SLC12A7: variants seen among roughly 807,000 people sequenced by gnomAD.
The protein encoded by SLC12A7 is K-Cl cotransporter 4.
In SLC12A7, 100 loss-of-function variants were observed where a neutral mutation model predicts 120.6. The observed-to-expected ratio is 0.83, with a 90% CI of 0.71 to 0.98. The LOEUF (loss-of-function observed/expected upper bound fraction) is 0.98, where lower values mean the gene tolerates loss of function less well. SLC12A7 is among the 50% of genes least tolerant of loss of function. The probability of loss-of-function intolerance (pLI) is 0.00; values close to 1 mark genes in which losing one functional copy is unlikely to be tolerated. For synonymous variants in SLC12A7, 760 were observed against 678.0 expected, an observed-to-expected ratio of 1.12 and a Z score of -1.88; for missense variants, 1,373 against 1,548.1, an observed-to-expected ratio of 0.89 and a Z score of 1.90.
the SLC12A7 span, among the ~76,000 whole-genome samples, chr5:1,121,263 C>T: frequency 6.6e-6 from 1 of 152,218 alleles, no homozygotes; most frequent in Non-Finnish European, 1.5e-5. Context: ...CTGTCTCCGT[C>T]CCAAGGCCTG....
In SLC12A7 at chr5:1,090,367, T is replaced by A. The variant is rs560458016; in HGVS notation, c.343-1239A>T. On this transcript the variant is annotated intron_variant, in intron 3 of 23. Transcript: ENST00000264930. ...GATCTGAGAGCCTGGGGGATTCACT[T>A]GGTTCCCTGAGCCCTAGGTGGGAAG... Among the ~76,000 whole-genome samples, 13 of 152,248 alleles carry A rather than the reference T, an allele frequency of 8.5e-5. No homozygotes were observed. In the East Asian group the frequency reaches 2.3e-3, roughly 27 times the overall value.
chr5:1,099,253 G>A (rs1741729058), intron 1 of SLC12A7, among the ~76,000 whole-genome samples: 1 of 152,300 alleles, frequency 6.6e-6, no homozygotes, highest in African/African-American at 2.4e-5. Flanking sequence ...CCTGAGGCAG[G>A]AGCAGGGTAC....
the SLC12A7 span, among the ~76,000 whole-genome samples, chr5:1,122,311 A>T: frequency 1.3e-5 from 2 of 152,136 alleles, no homozygotes; most frequent in Non-Finnish European, 2.9e-5. Flanking sequence ...GAATCTCACC[A>T]GAATCCGGGC....
chr5:1,118,425 G>A, the SLC12A7 span, among the ~76,000 whole-genome samples: 2 of 152,242 alleles, frequency 1.3e-5, no homozygotes, highest in African/African-American at 2.4e-5. Context: ...TGAGAACATC[G>A]TGGGCAGGCC....
chr5:1,065,164 G>A, intron 18 of SLC12A7, 119 bp downstream of exon 18: 1 of 804,384 alleles, frequency 1.2e-6, no homozygotes, highest in African/African-American at 1.9e-5. Context: ...GGACGAAAAG[G>A]GGACAGTGAG....
chr5:1,077,729 C>G, intron 12 of SLC12A7, 104 bp downstream of exon 12: 1 of 1,230,254 alleles, frequency 8.1e-7, no homozygotes. Flanking sequence ...GGGGTCCAAG[C>G]CGCGGGCATG....
upstream of SLC12A7, among the ~76,000 whole-genome samples, chr5:1,114,493 T>C (rs1395660296): frequency 6.6e-6 from 1 of 152,120 alleles, no homozygotes; most frequent in Non-Finnish European, 1.5e-5. Flanking sequence ...GCTCTGTGGG[T>C]TTCCGTGTCC....
intron 6 of SLC12A7, among the ~76,000 whole-genome samples, 195 bp downstream of exon 6, chr5:1,086,708 C>T (rs1739895474): frequency 6.6e-6 from 1 of 152,230 alleles, no homozygotes; most frequent in Admixed American, 6.5e-5. Context: ...TCAAGGGGGA[C>T]ACAGGTCGCT....
At chr5:1,092,224 G>A (rs1421484239) in intron 3 of SLC12A7, among the ~76,000 whole-genome samples, 2 of 152,270 alleles carry the variant, frequency 1.3e-5, no homozygotes, top group Non-Finnish European at 2.9e-5. Flanking sequence ...GACATCTTGA[G>A]CGGCCTGACT....
chr5:1,142,311 T>C, the SLC12A7 span, among the ~76,000 whole-genome samples: 4 of 34,814 alleles, frequency 1.1e-4, no homozygotes, highest in African/African-American at 3.9e-4. Context: ...GCCCCTCCCG[T>C]CTCCCCTCTC....
the SLC12A7 span, among the ~76,000 whole-genome samples, chr5:1,127,103 C>T: frequency 8.4e-4 from 128 of 152,344 alleles, no homozygotes; most frequent in African/African-American, 2.9e-3. Flanking sequence ...CAACCTCCAC[C>T]GCCCAGGTTC....
chr5:1,148,295 C>G, the SLC12A7 span, among the ~76,000 whole-genome samples: 659 of 151,078 alleles, frequency 4.4e-3, 8 homozygotes, highest in African/African-American at 0.015. Flanking sequence ...CAAGCTCCGC[C>G]TCCCAGGTTC....
the SLC12A7 span, among the ~76,000 whole-genome samples, chr5:1,140,295 G>A: frequency 1.3e-5 from 2 of 152,218 alleles, no homozygotes; most frequent in Admixed American, 6.5e-5. Flanking sequence ...CATCCCAGGC[G>A]ATGAGGCATG....
chr5:1,101,404 A>G (rs1741997171), intron 1 of SLC12A7, among the ~76,000 whole-genome samples: 1 of 152,170 alleles, frequency 6.6e-6, no homozygotes, highest in African/African-American at 2.4e-5. Context: ...TCTGGCCAGC[A>G]GGCCCGACCT....
intron 6 of SLC12A7, 22 bp from the exon 7 acceptor site, chr5:1,085,495 G>A: frequency 6.4e-7 from 1 of 1,574,352 alleles, no homozygotes. Flanking sequence ...AGGCCGGTCG[G>A]GAGGCCGTCC....
the SLC12A7 span, among the ~76,000 whole-genome samples, chr5:1,154,967 C>G: frequency 6.6e-6 from 1 of 152,262 alleles, no homozygotes; most frequent in Middle Eastern, 3.2e-3. Context: ...AGCCAGGGTC[C>G]AGGCCTGGTG....
At position 1,060,545 on chromosome 5, in the gene SLC12A7, A is replaced by G. The variant is rs1736074493; in HGVS notation, c.2740-94T>C. On this transcript the variant is annotated intron_variant, in intron 20 of 23. Coordinates refer to ENST00000264930, the MANE Select transcript of SLC12A7 (RefSeq NM_006598.3). The stretch of plus-strand genomic sequence containing the variant: ...GGTACCCAGAGACCGAGCCGCCCTG[A>G]GCGGTGGGAAAGGCCACGCGTCCCG... 4.3e-6 allele frequency: 4 copies of G among 933,522 alleles called. No homozygotes were observed. The East Asian group carries it at 9.8e-5, about 23-fold the overall frequency. 57.8% of individuals were successfully genotyped at this position (933,522 alleles called of 1,614,324 possible). A position where few individuals can be genotyped will look rare whatever the true frequency, so the allele number is the denominator to read the frequency against.
intron 2 of SLC12A7, among the ~76,000 whole-genome samples, 180 bp downstream of exon 2, chr5:1,093,974 C>T (rs1740829478): frequency 6.6e-6 from 1 of 152,094 alleles, no homozygotes; most frequent in Non-Finnish European, 1.5e-5. Context: ...AGGAGCACGT[C>T]CCAGCTCAAG....
chr5:1,096,252 C>T (rs928795194), intron 1 of SLC12A7, among the ~76,000 whole-genome samples: 11 of 152,110 alleles, frequency 7.2e-5, no homozygotes, highest in Non-Finnish European at 1.0e-4. Context: ...GAGTGAAAGA[C>T]GGAGACCTGG....
Sources: allele counts gnomAD v4.1 joint callset (sites outside exome capture counted in the v4.1 genomes callset), GRCh38; gene constraint gnomAD v4.1.1; transcripts MANE v1.5; gene names NCBI Gene and HGNC (gene_info 2026-07-23, HGNC 2026-07-21).